Variants in MTOR observed in about 807,000 individuals in gnomAD.
The protein encoded by MTOR is mechanistic target of rapamycin kinase.
A neutral mutation model predicts 319.8 loss-of-function variants in MTOR; 70 were observed. The ratio of observed to expected loss-of-function variants is 0.22; its 90% CI spans 0.18 to 0.27. The LOEUF (loss-of-function observed/expected upper bound fraction) is 0.27, where lower values mean the gene tolerates loss of function less well. MTOR is among the 10% of genes least tolerant of loss of function. MTOR has a pLI of 1.00. For synonymous variants in MTOR, 1,183 were observed against 1,211.4 expected (o/e 0.98, Z 0.49); for missense variants, 1,890 against 3,274.4 (o/e 0.58, Z 10.32).
intron 28 of MTOR, among the ~76,000 whole-genome samples, chr1:11,175,049 GA>G (rs1215080450): frequency 4.6e-5 from 7 of 152,184 alleles, no homozygotes; most frequent in Non-Finnish European, 8.8e-5. Context: ...AGGCCAAAAG[GA>G]AAAGAGAACT....
intron 11 of MTOR, 136 bp from the exon 12 acceptor site, chr1:11,238,753 A>T: frequency 1.5e-6 from 1 of 659,650 alleles, no homozygotes; most frequent in Non-Finnish European, 2.5e-6. Context: ...TACGATACTG[A>T]CCCGGAACTC....
intron 50 of MTOR, 107 bp downstream of exon 50, chr1:11,116,897 T>C: frequency 2.4e-6 from 2 of 834,964 alleles, no homozygotes; most frequent in Non-Finnish European, 3.9e-6. Context: ...ACAATACCAA[T>C]ATTTATTTAC....
At chr1:11,130,901 A>T in intron 38 of MTOR, 124 bp from the exon 39 acceptor site, 1 of 1,263,274 alleles carries the variant, frequency 7.9e-7, no homozygotes. Context: ...TAAAGCAAAC[A>T]CTTCAAGGAG....
At chr1:11,108,420 T>G (rs1641682590) in intron 56 of MTOR, 134 bp from the exon 57 acceptor site, 1 of 739,818 alleles carries the variant, frequency 1.4e-6, no homozygotes, top group African/African-American at 1.8e-5. Context: ...CATAGTTGGA[T>G]TTGAAAAGTT....
At chr1:11,218,152 C>T (rs986954123) in intron 19 of MTOR, among the ~76,000 whole-genome samples, 1 of 152,142 alleles carries the variant, frequency 6.6e-6, no homozygotes, top group Non-Finnish European at 1.5e-5. Flanking sequence ...TTATTACAGG[C>T]CGGGCGCGGT....
At chr1:11,257,380 C>CAAAAAA (rs1006118528) in intron 3 of MTOR, among the ~76,000 whole-genome samples, 5 of 36,772 alleles carry the variant, frequency 1.4e-4, no homozygotes, top group East Asian at 8.1e-4. Flanking sequence ...TACTAAGATA[C>CAAAAAA]AAAAAAAAAA....
rs2100966660 is a variant in MTOR, at chr1:11,253,901, G to A, written c.778C>T (p.Arg260Trp). 3 of 1,613,982 alleles carry A rather than the reference G, an allele frequency of 1.9e-6. No individual in the cohort carries two copies. The highest frequency in any genetic ancestry group is 2.2e-5 in the South Asian group (2 of 91,056). Residue 260 changes from arginine (R) to tryptophan (W), a missense_variant, in exon 6 of 58, where the codon CGG becomes TGG. By Grantham distance (101) the Arg-to-Trp change is moderately radical. This residue lies in a region of MTOR where 418 missense variants were observed against 543.1 expected (regional missense o/e 0.77). Transcript: ENST00000361445. Reference protein sequence around the residue: ...AKEKGMNRDDRIHGALLILNE... With the variant: ...AKEKGMNRDDWIHGALLILNE... ...AGGATCAACAAGGCTCCATGGATCC[G>A]ATCATCCCGATTCATGCCCTTCTCT... is the stretch of plus-strand genomic sequence containing the variant.
At chr1:11,155,071 T>C (rs1275199463) in intron 30 of MTOR, among the ~76,000 whole-genome samples, 2 of 152,196 alleles carry the variant, frequency 1.3e-5, no homozygotes, top group Admixed American at 1.3e-4. Flanking sequence ...AAAGACTACA[T>C]GTAGTGAAAG....
At chr1:11,181,311 A>G (rs1645138263) in intron 28 of MTOR, among the ~76,000 whole-genome samples, 1 of 152,162 alleles carries the variant, frequency 6.6e-6, no homozygotes, top group South Asian at 2.1e-4. Context: ...ATGTCTAGGA[A>G]TATGTATGCA....
chr1:11,113,865 A>G (rs1198581661), intron 53 of MTOR, among the ~76,000 whole-genome samples: 1 of 152,134 alleles, frequency 6.6e-6, no homozygotes, highest in Non-Finnish European at 1.5e-5. Context: ...GAGGGACCTC[A>G]TGGGAGGTGA....
At chr1:11,224,083 T>C (rs972231323) in intron 19 of MTOR, among the ~76,000 whole-genome samples, 7 of 150,004 alleles carry the variant, frequency 4.7e-5, no homozygotes, top group African/African-American at 1.5e-4. Context: ...TAAAATAAAA[T>C]AAATAGGCCA....
intron 31 of MTOR, among the ~76,000 whole-genome samples, chr1:11,147,983 T>C (rs945888977): frequency 5.3e-5 from 8 of 152,172 alleles, no homozygotes; most frequent in Non-Finnish European, 1.0e-4. Context: ...GGTGAAAATG[T>C]TTGTAATTGC....
intron 31 of MTOR, among the ~76,000 whole-genome samples, chr1:11,149,709 C>A (rs1644069906): frequency 6.6e-6 from 1 of 151,998 alleles, no homozygotes; most frequent in South Asian, 2.1e-4. Context: ...TGGGACGAGC[C>A]CTTAACCTGT....
In MTOR at chr1:11,114,301, C is replaced by T. The variant is rs1343501329; in HGVS notation, c.7300+17G>A. On this transcript the variant is annotated intron_variant, in intron 53 of 57. Transcript: ENST00000361445. ...TGAGCCACTGAGCTCAGCTCCCAGGCACTTGATGATACTCACTGTCCATCA... is the reference window on the plus strand; with the variant it reads ...TGAGCCACTGAGCTCAGCTCCCAGGTACTTGATGATACTCACTGTCCATCA... 1 of 1,613,124 alleles carries T rather than the reference C, an allele frequency of 6.2e-7. No homozygotes were observed. The highest frequency in any genetic ancestry group is 8.5e-7 in the Non-Finnish European group (1 of 1,179,680).
chr1:11,170,346 T>G (rs1644774014), intron 28 of MTOR, among the ~76,000 whole-genome samples: 4 of 150,868 alleles, frequency 2.7e-5, no homozygotes, highest in Admixed American at 2.6e-4. Flanking sequence ...CTAATAATAT[T>G]ACTAGGTATA....
intron 3 of MTOR, among the ~76,000 whole-genome samples, 188 bp from the exon 4 acceptor site, chr1:11,257,353 T>C (rs1298562704): frequency 4.7e-5 from 6 of 127,564 alleles, no homozygotes; most frequent in Non-Finnish European, 6.4e-5. Flanking sequence ...CTGGGCAACA[T>C]GGTGAAACCC....
At chr1:11,210,467 G>A (rs1646273982) in intron 24 of MTOR, among the ~76,000 whole-genome samples, 1 of 152,174 alleles carries the variant, frequency 6.6e-6, no homozygotes, top group African/African-American at 2.4e-5. Context: ...CAAGAGCTAA[G>A]AAGGGTTTTT....
At chr1:11,259,604 T>C (rs919606250) in intron 1 of MTOR, among the ~76,000 whole-genome samples, 181 bp from the exon 2 acceptor site, 6 of 152,250 alleles carry the variant, frequency 3.9e-5, no homozygotes, top group Admixed American at 3.9e-4. Context: ...CAATGACTGA[T>C]GTTTAAAAGA....
chr1:11,219,597 A>G (rs1646590630), intron 19 of MTOR, among the ~76,000 whole-genome samples: 1 of 152,222 alleles, frequency 6.6e-6, no homozygotes, highest in Non-Finnish European at 1.5e-5. Flanking sequence ...TCGAAATTAT[A>G]AAACACGTGA....
Sources: allele counts gnomAD v4.1 joint callset (sites outside exome capture counted in the v4.1 genomes callset), GRCh38; gene constraint gnomAD v4.1.1; regional missense constraint gnomAD v4.1.1; transcripts MANE v1.5; gene names NCBI Gene and HGNC (gene_info 2026-07-23, HGNC 2026-07-21).